The following SLC12A6 variants were observed in gnomAD, a reference collection of about 807,000 sequenced individuals.
SLC12A6 encodes solute carrier family 12 member 6.
A neutral mutation model predicts 135.3 loss-of-function variants in SLC12A6; 66 were observed. That is an observed-to-expected ratio of 0.49 (90% confidence interval 0.40 to 0.60). The LOEUF (loss-of-function observed/expected upper bound fraction) is 0.60, where lower values mean the gene tolerates loss of function less well. Ranked by LOEUF, SLC12A6 falls within the 20% of genes least tolerant of loss-of-function variation. The probability of loss-of-function intolerance (pLI) is 0.00; values close to 1 mark genes in which losing one functional copy is unlikely to be tolerated. For synonymous variants in SLC12A6, 513 were observed against 508.8 expected, an observed-to-expected ratio of 1.01 and a Z score of -0.11; for missense variants, 1,058 against 1,452.3, an observed-to-expected ratio of 0.73 and a Z score of 4.41.
At chr15:34,336,805 A>C in intron 1 of SLC12A6, 53 bp from the exon 2 acceptor site, 1 of 788,898 alleles carries the variant, frequency 1.3e-6, no homozygotes, top group Non-Finnish European at 2.2e-6. Flanking sequence ...ACCTTGATTC[A>C]CACCACACAA....
At position 34,233,343 on chromosome 15, in the gene SLC12A6, T is replaced by C. The variant is rs1199427847; in HGVS notation, c.*538A>G. The C allele has an allele frequency of 6.3e-6, 1 of 158,162 alleles. No homozygotes were observed. Among genetic ancestry groups the C allele is most frequent in the Non-Finnish European group, 1.4e-5 (1 of 71,132 alleles). 9.8% of individuals were successfully genotyped at this position (158,162 alleles called of 1,614,324 possible). A position where few individuals can be genotyped will look rare whatever the true frequency, so the allele number is the denominator to read the frequency against. ...CATGTTTCAAGTTAGTATCCTAATA[T>C]AAAATTACAGCAGTGGGTATACTAA... On this transcript the variant is annotated 3_prime_UTR_variant, in exon 26 of 26. Coordinates refer to ENST00000354181, the MANE Select transcript of SLC12A6 (RefSeq NM_001365088.1).
At chr15:34,286,243 T>G (rs1214130649) in intron 2 of SLC12A6, among the ~76,000 whole-genome samples, 2 of 151,432 alleles carry the variant, frequency 1.3e-5, no homozygotes, top group Non-Finnish European at 2.9e-5. Context: ...TCAACTAATT[T>G]TTTTGTATTT....
At chr15:34,243,544 A>G (rs1339358752) in intron 16 of SLC12A6, among the ~76,000 whole-genome samples, 1 of 152,162 alleles carries the variant, frequency 6.6e-6, no homozygotes, top group Non-Finnish European at 1.5e-5. Context: ...AGCACTTTAG[A>G]TTTATTAGTC....
In SLC12A6 at chr15:34,239,102, G is replaced by T. The variant is rs1455462607; in HGVS notation, c.2495C>A (p.Ala832Asp). The change falls in exon 20 of 26, where the codon GCC becomes GAC. Residue 832 changes from alanine (A) to aspartate (D), a missense_variant. By Grantham distance (126) the Ala-to-Asp change is moderately radical (BLOSUM62 -2). Coordinates refer to ENST00000354181, the MANE Select transcript of SLC12A6 (RefSeq NM_001365088.1). Reference sequence around the variant, plus strand: ...GGAAATGCCCTCTCTCAGCTTGGCGGCCACCACCAGCTGGCAGAATCCTTT... The same window carrying T: ...GGAAATGCCCTCTCTCAGCTTGGCGTCCACCACCAGCTGGCAGAATCCTTT... ...KVKGFCQLVV[A>D]AKLREGISHL... The T allele has an allele frequency of 6.2e-7, 1 of 1,613,964 alleles. No homozygotes were observed. The highest frequency in any genetic ancestry group is 8.5e-7 in the Non-Finnish European group (1 of 1,179,836).
At chr15:34,337,022 G>A in intron 1 of SLC12A6, 1 of 369,702 alleles carries the variant, frequency 2.7e-6, no homozygotes, top group East Asian at 6.9e-5. Flanking sequence ...TCAGTGCCAT[G>A]GTCTCAGGGC....
intron 2 of SLC12A6, among the ~76,000 whole-genome samples, chr15:34,295,077 T>C (rs1383596497): frequency 6.6e-6 from 1 of 152,252 alleles, no homozygotes; most frequent in East Asian, 1.9e-4. Flanking sequence ...TTAGGGTATG[T>C]ATGTGATAGA....
rs1237103351 is a variant in SLC12A6 at position 34,275,215 on chromosome 15, AAAAAG to A, written c.316+125_316+129del. On this transcript the variant is annotated intron_variant, in intron 3 of 25. Transcript: ENST00000354181. The stretch of plus-strand genomic sequence containing the variant: ...CAAGTTGGGAATAGAAACAGCAGGA[AAAAAG>A]TTGTTGGGTGGGAAGTAGAAAAGGA... 16 of 584,842 alleles carry A rather than the reference AAAAAG, an allele frequency of 2.7e-5. No individual in the cohort carries two copies. In the African/African-American group the frequency reaches 2.8e-4, roughly 10 times the overall value. 36.2% of individuals were successfully genotyped at this position (584,842 alleles called of 1,614,324 possible). A position where few individuals can be genotyped will look rare whatever the true frequency, so the allele number is the denominator to read the frequency against.
At chr15:34,243,915 T>C (rs1489137694) in intron 16 of SLC12A6, 59 bp downstream of exon 16, 2 of 1,015,726 alleles carry the variant, frequency 2.0e-6, no homozygotes, top group Admixed American at 3.4e-5. Context: ...CCTAGTTTTC[T>C]AGTTCAAAGA....
intron 13 of SLC12A6, 137 bp downstream of exon 13, chr15:34,250,161 T>A: frequency 1.4e-6 from 1 of 738,074 alleles, no homozygotes; most frequent in East Asian, 2.6e-5. Context: ...TGCCTTGGCC[T>A]CCCAAAGTGC....
chr15:34,330,556 C>G (rs1393449383), intron 2 of SLC12A6, among the ~76,000 whole-genome samples: 1 of 151,936 alleles, frequency 6.6e-6, no homozygotes, highest in East Asian at 1.9e-4. Context: ...GTGTTCCCAT[C>G]TACTCAAGAG....
chr15:34,250,230 G>C, intron 13 of SLC12A6, 68 bp downstream of exon 13: 1 of 911,116 alleles, frequency 1.1e-6, no homozygotes, highest in Non-Finnish European at 1.9e-6. Flanking sequence ...CTGTCTTGGA[G>C]CTATGTGGAA....
intron 2 of SLC12A6, among the ~76,000 whole-genome samples, chr15:34,333,379 G>C (rs1238120082): frequency 6.6e-6 from 1 of 151,894 alleles, no homozygotes; most frequent in Non-Finnish European, 1.5e-5. Flanking sequence ...ACAGGCGCAC[G>C]CCGTCACGCC....
chr15:34,250,584 G>A (rs757130836), intron 12 of SLC12A6, 47 bp downstream of exon 12: 11 of 1,012,286 alleles, frequency 1.1e-5, no homozygotes, highest in Non-Finnish European at 1.7e-5. Flanking sequence ...TAGTTCTACT[G>A]GATGCTCCTA....
At chr15:34,287,911 T>C (rs933892649) in intron 2 of SLC12A6, among the ~76,000 whole-genome samples, 8 of 152,354 alleles carry the variant, frequency 5.3e-5, no homozygotes, top group African/African-American at 7.2e-5. Flanking sequence ...GCAAAAATTT[T>C]CTCCCGTTCT....
chr15:34,281,851 G>C (rs1894704103), intron 2 of SLC12A6, among the ~76,000 whole-genome samples: 1 of 152,086 alleles, frequency 6.6e-6, no homozygotes, highest in Non-Finnish European at 1.5e-5. Flanking sequence ...TAAGCAATAA[G>C]ATGGCAATGT....
intron 25 of SLC12A6, 35 bp from the exon 26 acceptor site, chr15:34,234,007 A>T (rs762937772): frequency 2.8e-6 from 3 of 1,086,438 alleles, no homozygotes; most frequent in Non-Finnish European, 4.3e-6. Context: ...GCAAAAGAAG[A>T]GCACAAACTT....
chr15:34,302,403 G>A (rs1896316678), intron 2 of SLC12A6, among the ~76,000 whole-genome samples: 1 of 152,170 alleles, frequency 6.6e-6, no homozygotes, highest in Non-Finnish European at 1.5e-5. Context: ...GTATAAAGAA[G>A]ATTATGGGCT....
chr15:34,335,498 A>G (rs983651615), intron 2 of SLC12A6, among the ~76,000 whole-genome samples: 3 of 152,234 alleles, frequency 2.0e-5, no homozygotes, highest in African/African-American at 7.2e-5. Flanking sequence ...GGAAATTTTT[A>G]TCATTAAAAG....
chr15:34,258,391 T>C (rs192803159), intron 5 of SLC12A6, among the ~76,000 whole-genome samples: 3 of 152,270 alleles, frequency 2.0e-5, no homozygotes, highest in Admixed American at 1.3e-4. Context: ...CTATTCCCTC[T>C]CCCTGAATGC....
Sources: gnomAD v4.1 joint callset for allele counts (sites outside exome capture counted in the v4.1 genomes callset) on GRCh38, gnomAD v4.1.1 for gene constraint, MANE v1.5 for transcripts, NCBI Gene and HGNC (gene_info 2026-07-23, HGNC 2026-07-21) for gene names.